Variants in ATP8B1 observed in about 807,000 individuals in gnomAD.
ATP8B1 encodes the protein ATPase phospholipid transporting 8B1.
In ATP8B1, 80 loss-of-function variants were observed where a neutral mutation model predicts 149.9. That is an observed-to-expected ratio of 0.53 (90% CI 0.45 to 0.64). ATP8B1 has a LOEUF of 0.64. Ranked by LOEUF, ATP8B1 falls within the 30% of genes least tolerant of loss-of-function variation. The pLI is 0.00. For synonymous variants in ATP8B1, 536 were observed against 562.8 expected (o/e 0.95, Z 0.67); for missense variants, 1,247 against 1,552.6 (o/e 0.80, Z 3.31).
At chr18:57,726,650 T>A (rs1302149783) in intron 2 of ATP8B1, among the ~76,000 whole-genome samples, 1 of 152,222 alleles carries the variant, frequency 6.6e-6, no homozygotes, top group African/African-American at 2.4e-5. Context: ...GAACTTGGGC[T>A]GCAAAGTAGC....
intron 19 of ATP8B1, chr18:57,668,031 A>G (rs1195517230): frequency 8.1e-7 from 1 of 1,240,796 alleles, no homozygotes; most frequent in Non-Finnish European, 1.0e-6. Context: ...GCCAAGCAAT[A>G]AAATTGGCAA....
chr18:57,792,662 C>T lies in ATP8B1; in HGVS notation c.-26+10336G>A, dbSNP rs191850694. ...GTTAGGGGTGATGAAAAGGTTCTGA[C>T]GTAGATTGTGGCAACAGTTGCACAG... On this transcript the variant is annotated intron_variant, in intron 1 of 27. Coordinates refer to ENST00000648908, the MANE Select transcript of ATP8B1 (RefSeq NM_001374385.1). 5.7e-3 allele frequency among the ~76,000 whole-genome samples: 860 copies of T among 152,174 alleles called. 2 individuals are homozygous for T. Among genetic ancestry groups the T allele is most frequent in the Non-Finnish European group, 8.9e-3 (603 of 68,016 alleles).
At position 57,648,557 on chromosome 18, in the gene ATP8B1, C is replaced by T; in HGVS notation, c.3687G>A (p.Lys1229=). Reference sequence around the variant, plus strand: ...CGATGGCATCAAGCGGCGAGCGCTTCTTGCGGATGCTGCGCCCGGAGGAGA... The same window carrying T: ...CGATGGCATCAAGCGGCGAGCGCTTTTTGCGGATGCTGCGCCCGGAGGAGA... ...DLISSGRSIR[K]KRSPLDAIVA... is the part of the protein sequence containing the mutation. The change falls in exon 28 of 28, where the codon AAG becomes AAA. Residue 1229 remains lysine (K), a synonymous_variant. Coordinates refer to ENST00000648908, the MANE Select transcript of ATP8B1 (RefSeq NM_001374385.1). The T allele has an allele frequency of 6.2e-7, 1 of 1,611,532 alleles. No homozygotes were observed. Among genetic ancestry groups the T allele is most frequent in the Non-Finnish European group, 8.5e-7 (1 of 1,179,960 alleles).
chr18:57,674,408 G>A (rs1216687576), intron 16 of ATP8B1, among the ~76,000 whole-genome samples: 3 of 134,652 alleles, frequency 2.2e-5, no homozygotes, highest in Admixed American at 1.6e-4. Context: ...TTTTTGAGAC[G>A]GAGTCTTGCT....
chr18:57,674,889 G>A lies in ATP8B1; in HGVS notation c.1764C>T (p.Tyr588=). The A allele has an allele frequency of 6.2e-7, 1 of 1,614,256 alleles. No individual in the cohort carries two copies. Among genetic ancestry groups the A allele is most frequent in the Non-Finnish European group, 8.5e-7 (1 of 1,180,044 alleles). ...TISELGTERT[Y]NVLAILDFNS... Reference sequence around the variant, plus strand: ...TGAAGTCCAAAATGGCAAGAACATTGTAAGTCCTTTCAGTGCCCAGTTCAC... The same window carrying A: ...TGAAGTCCAAAATGGCAAGAACATTATAAGTCCTTTCAGTGCCCAGTTCAC... The change falls in exon 16 of 28, where the codon TAC becomes TAT. Residue 588 remains tyrosine (Y), a synonymous_variant. Coordinates refer to ENST00000648908, the MANE Select transcript of ATP8B1 (RefSeq NM_001374385.1).
At chr18:57,684,769 G>T (rs1427455388) in intron 14 of ATP8B1, among the ~76,000 whole-genome samples, 1 of 152,144 alleles carries the variant, frequency 6.6e-6, no homozygotes, top group Non-Finnish European at 1.5e-5. Flanking sequence ...ATGTAATCAA[G>T]ATAAAATGAG....
chr18:57,664,142 A>T (rs975745746), intron 20 of ATP8B1, among the ~76,000 whole-genome samples: 12 of 149,200 alleles, frequency 8.0e-5, no homozygotes, highest in Non-Finnish European at 1.5e-4. Context: ...TGGGGGTACC[A>T]TGTAATTCAT....
chr18:57,661,131 C>T lies in ATP8B1; in HGVS notation c.2707+43G>A, dbSNP rs762368766. On this transcript the variant is annotated intron_variant, in intron 22 of 27. Transcript: ENST00000648908. ...CCTACACATTCCAGCCATTTCTCCT[C>T]TCTAGCACGTTGGGCCTCACTGGCC... is the stretch of plus-strand genomic sequence containing the variant. 38 of 1,608,034 alleles carry T rather than the reference C, an allele frequency of 2.4e-5. No homozygotes were observed. The highest frequency in any genetic ancestry group is 3.1e-5 in the Non-Finnish European group (37 of 1,179,254).
chr18:57,722,010 C>G (rs1309335976), intron 2 of ATP8B1, among the ~76,000 whole-genome samples: 7 of 133,528 alleles, frequency 5.2e-5, no homozygotes, highest in African/African-American at 2.1e-4. Context: ...GGGTACATAA[C>G]GAAATGAAGG....
intron 18 of ATP8B1, chr18:57,668,821 GTGTA>G: frequency 2.6e-6 from 1 of 387,096 alleles, no homozygotes; most frequent in Non-Finnish European, 4.6e-6. Context: ...CACTTTTCTT[GTGTA>G]TTTGTGGCTT....
At position 57,648,517 on chromosome 18, in the gene ATP8B1, C is replaced by G. The variant is rs146405857; in HGVS notation, c.3727G>C (p.Ala1243Pro). 3 of 1,611,382 alleles carry G rather than the reference C, an allele frequency of 1.9e-6. No individual in the cohort carries two copies. The highest frequency in any genetic ancestry group is 2.5e-6 in the Non-Finnish European group (3 of 1,179,998). ...PLDAIVADGT[A>P]EYRRTGDS ...CTGTCCCCGGTGCGCCTGTACTCCG[C>G]GGTGCCATCCGCCACGATGGCATCA... The change falls in exon 28 of 28, where the codon GCG becomes CCG. Residue 1243 changes from alanine to proline, a missense_variant. Around this residue, in one of 3 missense-constraint regions of ATP8B1, gnomAD observed 164 missense variants for 160.3 expected, o/e 1.02. Coordinates refer to ENST00000648908, the MANE Select transcript of ATP8B1 (RefSeq NM_001374385.1).
At chr18:57,745,099 C>T (rs2079952656) in intron 1 of ATP8B1, among the ~76,000 whole-genome samples, 1 of 152,180 alleles carries the variant, frequency 6.6e-6, no homozygotes, top group Non-Finnish European at 1.5e-5. Context: ...TCAATGTCAG[C>T]AGTGGAGATG....
At chr18:57,675,322 C>CA (rs1261770459) in intron 15 of ATP8B1, among the ~76,000 whole-genome samples, 1 of 152,238 alleles carries the variant, frequency 6.6e-6, no homozygotes, top group Non-Finnish European at 1.5e-5. Flanking sequence ...TCATTCCCTC[C>CA]AGTGCCTTTT....
At chr18:57,650,241 A>C in intron 27 of ATP8B1, 126 bp downstream of exon 27, 1 of 1,229,206 alleles carries the variant, frequency 8.1e-7, no homozygotes, top group Non-Finnish European at 1.2e-6. Context: ...GTTAAAGAGA[A>C]GCAATCATGA....
chr18:57,684,955 C>T, intron 14 of ATP8B1, 117 bp downstream of exon 14: 2 of 1,312,614 alleles, frequency 1.5e-6, no homozygotes, highest in Non-Finnish European at 2.2e-6. Context: ...GGGCAACCAC[C>T]AGGAGCAGGG....
intron 2 of ATP8B1, among the ~76,000 whole-genome samples, chr18:57,719,015 A>T (rs572243548): frequency 6.6e-6 from 1 of 152,230 alleles, no homozygotes; most frequent in Non-Finnish European, 1.5e-5. Flanking sequence ...CAATCGGACA[A>T]GAGAAAGAAA....
intron 15 of ATP8B1, among the ~76,000 whole-genome samples, chr18:57,683,202 GA>G (rs1243272840): frequency 6.6e-6 from 1 of 152,162 alleles, no homozygotes; most frequent in East Asian, 1.9e-4. Flanking sequence ...TTAAGGTTGA[GA>G]AAAGAGAGGG....
intron 1 of ATP8B1, among the ~76,000 whole-genome samples, chr18:57,786,032 G>A (rs775845511): frequency 2.0e-5 from 3 of 152,120 alleles, no homozygotes; most frequent in African/African-American, 7.2e-5. Flanking sequence ...GTCTAATAAC[G>A]GCAGCTAATG....
At chr18:57,744,687 A>G (rs566186500) in intron 1 of ATP8B1, among the ~76,000 whole-genome samples, 2 of 152,346 alleles carry the variant, frequency 1.3e-5, no homozygotes, top group South Asian at 2.1e-4. Flanking sequence ...AAATAATACA[A>G]AGTCATAGGA....
Sources: allele counts gnomAD v4.1 joint callset (sites outside exome capture counted in the v4.1 genomes callset), GRCh38; gene constraint gnomAD v4.1.1; regional missense constraint gnomAD v4.1.1; transcripts MANE v1.5; gene names NCBI Gene and HGNC (gene_info 2026-07-23, HGNC 2026-07-21).